Variants in TRPM3 observed in about 807,000 individuals in gnomAD.
The protein encoded by TRPM3 is long transient receptor potential channel 3.
In TRPM3, 77 loss-of-function variants were observed where a neutral mutation model predicts 181.2. The ratio of observed to expected loss-of-function variants is 0.42; its 90% confidence interval spans 0.35 to 0.51. The LOEUF (loss-of-function observed/expected upper bound fraction) is 0.51, where lower values mean the gene tolerates loss of function less well. Among genes scored for constraint, TRPM3 ranks in the 20% least tolerant of loss-of-function variants. The pLI is 0.01. For synonymous variants in TRPM3, 745 were observed against 796.4 expected (o/e 0.94, Z 1.09); for missense variants, 1,759 against 2,196.7 (o/e 0.80, Z 3.98).
chr9:71,281,331 A>C (rs901078845), intron 1 of TRPM3, among the ~76,000 whole-genome samples: 9 of 152,300 alleles, frequency 5.9e-5, no homozygotes, highest in Admixed American at 3.3e-4. Context: ...AACAGTTCAT[A>C]AGCACCTGGA....
At chr9:71,203,710 T>G (rs1363554739) in intron 1 of TRPM3, among the ~76,000 whole-genome samples, 1 of 152,132 alleles carries the variant, frequency 6.6e-6, no homozygotes, top group Non-Finnish European at 1.5e-5. Context: ...GATTAAATGA[T>G]TTAATACACA....
At chr9:71,083,688 A>G (rs1344670947) in intron 1 of TRPM3, among the ~76,000 whole-genome samples, 1 of 148,600 alleles carries the variant, frequency 6.7e-6, no homozygotes, top group Non-Finnish European at 1.5e-5. Flanking sequence ...GTGTTGCATA[A>G]AAGTCCCCAA....
At chr9:70,901,243 A>G (rs1362303369) in intron 1 of TRPM3, among the ~76,000 whole-genome samples, 1 of 152,186 alleles carries the variant, frequency 6.6e-6, no homozygotes, top group Non-Finnish European at 1.5e-5. Flanking sequence ...CAAAGGAAAC[A>G]CCTTTGATCA....
At chr9:71,297,008 T>C (rs992570345) in intron 1 of TRPM3, among the ~76,000 whole-genome samples, 4 of 148,670 alleles carry the variant, frequency 2.7e-5, no homozygotes, top group African/African-American at 7.4e-5. Context: ...TTTTTTTTTT[T>C]TGAGATGAAG....
Position 70,843,258 on chromosome 9 carries a change from A to G in TRPM3, c.677-131T>C, listed in dbSNP as rs114813717. On this transcript the variant is annotated intron_variant, in intron 4 of 25. Coordinates refer to ENST00000677713, the MANE Select transcript of TRPM3 (RefSeq NM_001366145.2). Reference sequence around the variant, plus strand: ...ATATAAAATTTTGACACATTTCTATACAAACTACTTGTATTTAGGAGAAAA... The same window carrying G: ...ATATAAAATTTTGACACATTTCTATGCAAACTACTTGTATTTAGGAGAAAA... The G allele has an allele frequency of 1.8e-3, 1,685 of 934,206 alleles. 25 individuals are homozygous for G. The African/African-American group carries it at 0.025, about 14-fold the overall frequency. The allele number at this position is 934,206 out of a possible 1,614,324, so 57.9% of individuals were successfully genotyped here. A position where few individuals can be genotyped will look rare whatever the true frequency, so the allele number is the denominator to read the frequency against.
chr9:71,128,388 C>CTA (rs2074179843), intron 1 of TRPM3, among the ~76,000 whole-genome samples: 1 of 152,130 alleles, frequency 6.6e-6, no homozygotes, highest in South Asian at 2.1e-4. Context: ...TTTATTCAGC[C>CTA]TTGAAACCCT....
At chr9:71,257,711 G>A (rs1009056669) in intron 1 of TRPM3, among the ~76,000 whole-genome samples, 1 of 152,148 alleles carries the variant, frequency 6.6e-6, no homozygotes, top group South Asian at 2.1e-4. Flanking sequence ...GTAACCGCAA[G>A]TGAATGTATC....
At chr9:70,787,683 G>C (rs780243434) in intron 6 of TRPM3, among the ~76,000 whole-genome samples, 2 of 150,346 alleles carry the variant, frequency 1.3e-5, no homozygotes, top group Non-Finnish European at 2.9e-5. Flanking sequence ...GAAAGCTAGG[G>C]ACCCTTTCTC....
intron 9 of TRPM3, among the ~76,000 whole-genome samples, chr9:70,678,094 CAGG>C: frequency 6.6e-6 from 1 of 152,112 alleles, no homozygotes; most frequent in East Asian, 1.9e-4. Context: ...AAGGCTAATG[CAGG>C]AGGAGAGTGC....
intron 21 of TRPM3, among the ~76,000 whole-genome samples, chr9:70,596,556 A>G (rs1409024720): frequency 6.6e-6 from 1 of 152,044 alleles, no homozygotes; most frequent in Non-Finnish European, 1.5e-5. Flanking sequence ...ACCTAGTGAA[A>G]CCTCGTCTCT....
chr9:70,889,894 A>G (rs2096167131), intron 1 of TRPM3, among the ~76,000 whole-genome samples: 1 of 149,660 alleles, frequency 6.7e-6, no homozygotes, highest in Non-Finnish European at 1.5e-5. Context: ...TATATACAGT[A>G]TATATAGTAA....
At position 71,326,086 on chromosome 9, in the gene TRPM3, A is replaced by C. The variant is rs140972177; in HGVS notation, c.183+120567T>G. Among the ~76,000 whole-genome samples, 24 of 152,322 alleles carry C rather than the reference A, an allele frequency of 1.6e-4. No individual in the cohort carries two copies. In the East Asian group the frequency reaches 4.2e-3, roughly 27 times the overall value. On this transcript the variant is annotated intron_variant, in intron 1 of 24. Transcript: ENST00000357533. ...TTAGTAATACTTGCCCATGTCAGAAAATATTTTTACTTCTTAGATTTGAAA... is the reference window on the plus strand; with the variant it reads ...TTAGTAATACTTGCCCATGTCAGAACATATTTTTACTTCTTAGATTTGAAA...
At chr9:70,592,119 T>C (rs1428580868) in intron 21 of TRPM3, among the ~76,000 whole-genome samples, 1 of 152,218 alleles carries the variant, frequency 6.6e-6, no homozygotes, top group East Asian at 1.9e-4. Context: ...AAATATTAAA[T>C]AGATGAGGAT....
intron 1 of TRPM3, among the ~76,000 whole-genome samples, chr9:71,266,340 C>CAA (rs891892332): frequency 4.3e-4 from 64 of 148,804 alleles, no homozygotes; most frequent in African/African-American, 1.4e-3. Context: ...GAGGGAGTGG[C>CAA]AAAAAAAAAG....
rs1274653196 is a variant in TRPM3 at position 70,535,293 on chromosome 9, T to C, written c.*660A>G. 2 of 929,246 alleles carry C rather than the reference T, an allele frequency of 2.2e-6. No individual in the cohort carries two copies. The highest frequency in any genetic ancestry group is 3.3e-5 in the African/African-American group (2 of 59,790). 57.6% of individuals were successfully genotyped at this position (929,246 alleles called of 1,614,324 possible). ...ATTTTCTTCAAAAAAGGATAAACAGTTGTGGCACCAGAAGTGAATAGATAA... is the reference window on the plus strand; with the variant it reads ...ATTTTCTTCAAAAAAGGATAAACAGCTGTGGCACCAGAAGTGAATAGATAA... On this transcript the variant is annotated 3_prime_UTR_variant, in exon 26 of 26. Coordinates refer to ENST00000677713, the MANE Select transcript of TRPM3 (RefSeq NM_001366145.2).
intron 9 of TRPM3, among the ~76,000 whole-genome samples, chr9:70,672,574 C>T (rs756841071): frequency 7.2e-5 from 11 of 152,098 alleles, no homozygotes; most frequent in Admixed American, 1.3e-4. Context: ...AAAACAATTC[C>T]CAGTTTCAGC....
In TRPM3 at chr9:71,430,811, A is replaced by T. The variant is rs557609980; in HGVS notation, c.183+15842T>A. ...GGGTGAGAGAGCGAGACTCCATTTT[A>T]AAAAAAAAAGAATGCTTGTGAAAGG... On this transcript the variant is annotated intron_variant, in intron 1 of 24. Transcript: ENST00000357533. 3.1e-4 allele frequency among the ~76,000 whole-genome samples: 45 copies of T among 147,096 alleles called. 1 individual carries two copies. Among genetic ancestry groups the T allele is most frequent in the African/African-American group, 1.0e-3 (42 of 40,842 alleles).
chr9:71,403,711 C>G (rs2131396703), intron 1 of TRPM3, among the ~76,000 whole-genome samples: 1 of 152,188 alleles, frequency 6.6e-6, no homozygotes, highest in East Asian at 1.9e-4. Context: ...GATCTGAACC[C>G]AGACAGTGTG....
rs533571805 is a variant in TRPM3, at chr9:71,066,605, G to C, written c.177+54573C>G. Among the ~76,000 whole-genome samples the C allele has an allele frequency of 4.9e-4, 75 of 152,278 alleles. 1 individual carries two copies. The highest frequency in any genetic ancestry group is 1.4e-3 in the African/African-American group (58 of 41,554). ...GGCCTCTGATGGTCTTATATACAGA[G>C]TGGGGTCACATTTCATGTTGCTGTA... is the stretch of plus-strand genomic sequence containing the variant. On this transcript the variant is annotated intron_variant, in intron 1 of 25. Transcript: ENST00000677713.
Sources: allele counts gnomAD v4.1 joint callset (sites outside exome capture counted in the v4.1 genomes callset), GRCh38; gene constraint gnomAD v4.1.1; transcripts MANE v1.5; gene names NCBI Gene and HGNC (gene_info 2026-07-23, HGNC 2026-07-21).